Variants in SP2 observed in about 807,000 individuals in gnomAD.
SP2 encodes the protein Sp2 transcription factor.
Under a neutral mutation model 50.1 loss-of-function variants are expected in SP2, and 9 were observed. That is an observed-to-expected ratio of 0.18 (90% CI 0.11 to 0.31). The LOEUF is 0.31. Among genes scored for constraint, SP2 ranks in the 10% least tolerant of loss-of-function variants. SP2 has a pLI of 1.00. For missense variants in SP2, 581 were observed against 806.5 expected (o/e 0.72, Z 3.39); for synonymous variants, 313 against 326.6 (o/e 0.96, Z 0.45).
chr17:47,896,955 C>T (rs999494834), intron 1 of SP2, among the ~76,000 whole-genome samples: 1 of 152,220 alleles, frequency 6.6e-6, no homozygotes, highest in Non-Finnish European at 1.5e-5. Flanking sequence ...AATGTTTTTA[C>T]TTGGATCCTT....
At chr17:47,921,437 A>C (rs1267825642) in intron 3 of SP2, among the ~76,000 whole-genome samples, 1 of 152,090 alleles carries the variant, frequency 6.6e-6, no homozygotes, top group Non-Finnish European at 1.5e-5. Context: ...TTTTCAGTAG[A>C]GACGGGGTTT....
intron 3 of SP2, among the ~76,000 whole-genome samples, chr17:47,920,548 A>G (rs2035411029): frequency 6.6e-6 from 1 of 151,858 alleles, no homozygotes; most frequent in Non-Finnish European, 1.5e-5. Flanking sequence ...AGCCTCCCAA[A>G]GTGCTGGGAT....
At chr17:47,923,325 C>T (rs770167648) in intron 4 of SP2, 51 bp downstream of exon 4, 6 of 1,465,514 alleles carry the variant, frequency 4.1e-6, no homozygotes, top group Admixed American at 1.9e-5. Flanking sequence ...CTGCTCCTAG[C>T]AGGTGGAAAC....
chr17:47,896,328 GCCC>G, intron 1 of SP2, 35 bp downstream of exon 1: 1 of 1,234,900 alleles, frequency 8.1e-7, no homozygotes, highest in Non-Finnish European at 1.0e-6. Flanking sequence ...GGTCTTCCCG[GCCC>G]CCAAGGGTCA....
intron 1 of SP2, among the ~76,000 whole-genome samples, chr17:47,914,035 C>T (rs773938176): frequency 2.0e-5 from 3 of 152,120 alleles, no homozygotes; most frequent in Non-Finnish European, 2.9e-5. Flanking sequence ...CCTGTGGGGC[C>T]GTGCCTATTG....
At chr17:47,922,845 A>G in intron 3 of SP2, 117 bp from the exon 4 acceptor site, 2 of 843,866 alleles carry the variant, frequency 2.4e-6, no homozygotes, top group Middle Eastern at 2.5e-4. Flanking sequence ...GTTTGGGTGA[A>G]TTGAAGAGAC....
rs2035189839 is a variant in SP2 at position 47,916,081 on chromosome 17, G to A, written c.85-75G>A. ...GACTGGCGTGGAATGCCGCCAGGAG[G>A]AGAGGATCATGGACAGAGGCGGCCG... On this transcript the variant is annotated intron_variant, in intron 2 of 6. Coordinates refer to ENST00000376741, the MANE Select transcript of SP2 (RefSeq NM_003110.6). This position sits in a 1 kb window ranked among gnomAD's most constrained non-coding sequence, Gnocchi z 4.7. 2.6e-6 allele frequency: 4 copies of A among 1,518,606 alleles called. No homozygotes were observed. Among genetic ancestry groups the A allele is most frequent in the African/African-American group, 1.4e-5 (1 of 72,432 alleles). The allele number at this position is 1,518,606 out of a possible 1,614,324, so 94.1% of individuals were successfully genotyped here. A position where few individuals can be genotyped will look rare whatever the true frequency, so the allele number is the denominator to read the frequency against.
Position 47,911,443 on chromosome 17 carries a change from G to A in SP2, c.8-3869G>A, listed in dbSNP as rs149384750. 2.1e-3 allele frequency among the ~76,000 whole-genome samples: 320 copies of A among 151,320 alleles called. 2 individuals are homozygous for A. Among genetic ancestry groups the A allele is most frequent in the African/African-American group, 7.3e-3 (299 of 41,084 alleles). ...GCCTGTAATCCCAGCTACTTGGGAG[G>A]CAGAGGTTGCAGTGAACCAAGATCA... is the stretch of plus-strand genomic sequence containing the variant. On this transcript the variant is annotated intron_variant, in intron 1 of 6. Coordinates refer to ENST00000376741, the MANE Select transcript of SP2 (RefSeq NM_003110.6).
At chr17:47,902,530 G>C (rs191225567) in intron 1 of SP2, among the ~76,000 whole-genome samples, 31 of 152,306 alleles carry the variant, frequency 2.0e-4, no homozygotes, top group Admixed American at 3.9e-4. Flanking sequence ...GGTGATGACA[G>C]AGGAGGTGGT....
chr17:47,924,653 T>C (rs1362932326), intron 4 of SP2, among the ~76,000 whole-genome samples: 1 of 152,248 alleles, frequency 6.6e-6, no homozygotes, highest in African/African-American at 2.4e-5. Flanking sequence ...ATCTGGGTTC[T>C]ACCACTTACT....
chr17:47,906,353 C>G (rs1205769309), intron 1 of SP2, among the ~76,000 whole-genome samples: 1 of 152,148 alleles, frequency 6.6e-6, no homozygotes, highest in Non-Finnish European at 1.5e-5. Flanking sequence ...TTCATACAGC[C>G]CATAGGCACT....
intron 3 of SP2, among the ~76,000 whole-genome samples, chr17:47,919,936 A>G (rs1238608666): frequency 6.8e-6 from 1 of 147,516 alleles, no homozygotes; most frequent in East Asian, 2.1e-4. Flanking sequence ...TCCTGGGTTC[A>G]AGCGATTCTC....
chr17:47,915,683 T>C (rs1024615630), intron 2 of SP2, among the ~76,000 whole-genome samples: 1 of 152,198 alleles, frequency 6.6e-6, no homozygotes, highest in African/African-American at 2.4e-5. Context: ...CTCCCCAGTC[T>C]ATAAAGTTAC....
At chr17:47,920,786 T>C (rs1227469076) in intron 3 of SP2, among the ~76,000 whole-genome samples, 2 of 152,216 alleles carry the variant, frequency 1.3e-5, no homozygotes, top group Non-Finnish European at 2.9e-5. Flanking sequence ...TCAGCTTTAC[T>C]GAAACATTCA....
intron 3 of SP2, among the ~76,000 whole-genome samples, chr17:47,919,024 C>T (rs1286722744): frequency 1.3e-5 from 2 of 151,968 alleles, no homozygotes; most frequent in African/African-American, 2.4e-5. Context: ...CATGCATGCA[C>T]GCATACACAC....
At position 47,922,983 on chromosome 17, in the gene SP2, G is replaced by A. The variant is rs769619121; in HGVS notation, c.1081G>A (p.Gly361Ser). ...PTQVYIRTPS[G>S]EVQTVLVQDS... is the part of the protein sequence containing the mutation. ...CCAGGTCTACATCCGCACGCCTTCC[G>A]GTGAGGTGCAGACAGTCCTTGTCCA... is the stretch of plus-strand genomic sequence containing the variant. Residue 361 changes from glycine to serine, a missense_variant, in exon 4 of 7, where the codon GGT becomes AGT. This residue lies in a region of SP2 where 397 missense variants were observed against 491.0 expected (regional missense o/e 0.81). Transcript: ENST00000376741. 5 of 1,612,936 alleles carry A rather than the reference G, an allele frequency of 3.1e-6. No individual in the cohort carries two copies. Among genetic ancestry groups the A allele is most frequent in the South Asian group, 1.1e-5 (1 of 91,044 alleles).
chr17:47,899,011 A>G (rs1201683024), intron 1 of SP2: 3 of 152,250 alleles, frequency 2.0e-5, no homozygotes, highest in Non-Finnish European at 4.4e-5. Flanking sequence ...ATAAATGGAC[A>G]TCATTTTGGA....
chr17:47,910,715 C>CT (rs2034948466), intron 1 of SP2, among the ~76,000 whole-genome samples: 1 of 152,222 alleles, frequency 6.6e-6, no homozygotes, highest in Admixed American at 6.5e-5. Flanking sequence ...CACACCCATC[C>CT]TGTAGCGTGT....
rs778390646 is a variant in SP2 at position 47,916,882 on chromosome 17, G to C, written c.811G>C (p.Glu271Gln). Reference sequence around the variant, plus strand: ...TGAGCAGGTGGAGACGGTGCTGATCGAGACCACCGCGGACAACATCATCCA... The same window carrying C: ...TGAGCAGGTGGAGACGGTGCTGATCCAGACCACCGCGGACAACATCATCCA... ...VAEQVETVLIETTADNIIQAG... is the reference protein window; with the variant it reads ...VAEQVETVLIQTTADNIIQAG... Residue 271 changes from glutamate (E) to glutamine (Q), a missense_variant, in exon 3 of 7, where the codon GAG (glutamate) becomes CAG (glutamine). Around this residue, in one of 2 missense-constraint regions of SP2, gnomAD observed 397 missense variants for 491.0 expected, o/e 0.81. Transcript: ENST00000376741. This position sits in a 1 kb window ranked among gnomAD's most constrained non-coding sequence, Gnocchi z 4.7. The C allele has an allele frequency of 1.4e-5, 22 of 1,614,050 alleles. No individual in the cohort carries two copies. The highest frequency in any genetic ancestry group is 1.6e-4 in the Middle Eastern group (1 of 6,084).
Sources: allele counts gnomAD v4.1 joint callset (sites outside exome capture counted in the v4.1 genomes callset), GRCh38; gene constraint gnomAD v4.1.1; regional missense constraint gnomAD v4.1.1; non-coding constraint Gnocchi (gnomAD v3.1); transcripts MANE v1.5; gene names NCBI Gene and HGNC (gene_info 2026-07-23, HGNC 2026-07-21).